GARIN2: variants seen among roughly 807,000 people sequenced by gnomAD.
GARIN2 encodes Golgi-associated RAB2 interactor protein 2.
the GARIN2 span, chr14:67,208,126 T>C: frequency 2.5e-5 from 39 of 1,570,146 alleles, no homozygotes; most frequent in Admixed American, 6.8e-4. Flanking sequence ...GTGCCTGTAT[T>C]CGATACTGTT....
At chr14:67,203,085 T>G in the GARIN2 span, 2 of 1,609,810 alleles carry the variant, frequency 1.2e-6, no homozygotes, top group South Asian at 1.1e-5. Flanking sequence ...TCCTGTTTTC[T>G]GCACTCAGGT....
chr14:67,202,621 C>G, the GARIN2 span, among the ~76,000 whole-genome samples: 1 of 152,034 alleles, frequency 6.6e-6, no homozygotes, highest in Non-Finnish European at 1.5e-5. Flanking sequence ...TTAATTGGCT[C>G]TATGGAATTT....
the GARIN2 span, among the ~76,000 whole-genome samples, chr14:67,203,940 GACCTC>G: frequency 3.3e-5 from 5 of 152,154 alleles, no homozygotes; most frequent in Non-Finnish European, 5.9e-5. Flanking sequence ...TTGAACTCCT[GACCTC>G]AGGTGATCCA....
At chr14:67,214,828 C>G in the GARIN2 span, among the ~76,000 whole-genome samples, 1 of 152,010 alleles carries the variant, frequency 6.6e-6, no homozygotes, top group African/African-American at 2.4e-5. Context: ...TATTTGTATC[C>G]TCTTTGATTT....
At chr14:67,206,870 A>C in the GARIN2 span, among the ~76,000 whole-genome samples, 2 of 152,084 alleles carry the variant, frequency 1.3e-5, no homozygotes, top group East Asian at 3.9e-4. Flanking sequence ...AGCTGGGATT[A>C]CAGGTGCCCA....
chr14:67,202,163 A>C, the GARIN2 span, among the ~76,000 whole-genome samples: 1 of 152,326 alleles, frequency 6.6e-6, no homozygotes, highest in South Asian at 2.1e-4. Flanking sequence ...ATTATAGGCC[A>C]GGCACAGCGG....
the GARIN2 span, among the ~76,000 whole-genome samples, chr14:67,214,979 G>T: frequency 1.3e-5 from 2 of 152,072 alleles, no homozygotes; most frequent in Non-Finnish European, 2.9e-5. Context: ...TCTGTTATTG[G>T]TGTATAAGAA....
chr14:67,209,383 TG>T, the GARIN2 span, among the ~76,000 whole-genome samples: 5 of 152,228 alleles, frequency 3.3e-5, no homozygotes, highest in African/African-American at 1.2e-4. Flanking sequence ...CAAGGCCATT[TG>T]AGCAGAGACC....
chr14:67,220,169 C>T, the GARIN2 span, among the ~76,000 whole-genome samples: 3 of 152,192 alleles, frequency 2.0e-5, no homozygotes, highest in East Asian at 1.9e-4. Context: ...CGTGCAACGG[C>T]TCATGCCTGT....
the GARIN2 span, chr14:67,205,084 G>A: frequency 6.5e-7 from 1 of 1,549,158 alleles, no homozygotes; most frequent in African/African-American, 1.4e-5. Flanking sequence ...CAAGCAAGAG[G>A]AGAAGGTATG....
At chr14:67,208,155 T>C in the GARIN2 span, 13 of 1,606,138 alleles carry the variant, frequency 8.1e-6, no homozygotes, top group Non-Finnish European at 1.1e-5. Context: ...ACCTATTACC[T>C]GATGCTCTTC....
At chr14:67,204,860 TCAGGGA>T in the GARIN2 span, 1 of 1,613,926 alleles carries the variant, frequency 6.2e-7, no homozygotes, top group Non-Finnish European at 8.5e-7. Flanking sequence ...CCTGAACATG[TCAGGGA>T]CAGCATAGAT....
the GARIN2 span, among the ~76,000 whole-genome samples, chr14:67,197,924 C>T: frequency 6.6e-6 from 1 of 152,284 alleles, no homozygotes; most frequent in African/African-American, 2.4e-5. Context: ...TTTTGGCTTG[C>T]TTACTACCTG....
the GARIN2 span, among the ~76,000 whole-genome samples, chr14:67,196,139 A>G: frequency 6.6e-6 from 1 of 151,900 alleles, no homozygotes; most frequent in Non-Finnish European, 1.5e-5. Context: ...GCTCCACTCT[A>G]GTCTTTAGGA....
At chr14:67,192,443 T>C in the GARIN2 span, among the ~76,000 whole-genome samples, 1 of 152,078 alleles carries the variant, frequency 6.6e-6, no homozygotes, top group Non-Finnish European at 1.5e-5. Context: ...AAGTTAATTA[T>C]GATATCTTAG....
At chr14:67,198,967 T>G in the GARIN2 span, 1 of 703,028 alleles carries the variant, frequency 1.4e-6, no homozygotes, top group Non-Finnish European at 2.6e-6. Context: ...CTTAATACAT[T>G]CGAGAAGCTG....
the GARIN2 span, among the ~76,000 whole-genome samples, chr14:67,203,743 T>C: frequency 6.6e-6 from 1 of 152,190 alleles, no homozygotes; most frequent in East Asian, 1.9e-4. Context: ...GATGGAGTCT[T>C]GCACTGTCAC....
At chr14:67,212,884 T>C in the GARIN2 span, among the ~76,000 whole-genome samples, 2 of 149,192 alleles carry the variant, frequency 1.3e-5, no homozygotes, top group East Asian at 1.9e-4. Context: ...CCAGAGCCTC[T>C]AGATACAAGT....
the GARIN2 span, chr14:67,228,310 A>G: frequency 6.6e-5 from 28 of 427,146 alleles, no homozygotes; most frequent in Non-Finnish European, 7.5e-5. Context: ...GTTTGTTTCA[A>G]TCATTTATTT....
Sources: gnomAD v4.1 joint callset for allele counts (sites outside exome capture counted in the v4.1 genomes callset) on GRCh38, gnomAD v4.1.1 for gene constraint, MANE v1.5 for transcripts, NCBI Gene and HGNC (gene_info 2026-07-23, HGNC 2026-07-21) for gene names.